The following UBAP2 variants were observed in gnomAD, a reference collection of about 807,000 sequenced individuals.
The protein encoded by UBAP2 is ubiquitin associated protein 2.
A neutral mutation model predicts 139.6 loss-of-function variants in UBAP2; 75 were observed. That is an observed-to-expected ratio of 0.54 (90% CI 0.45 to 0.65). UBAP2 has a LOEUF of 0.65. Among genes scored for constraint, UBAP2 ranks in the 30% least tolerant of loss-of-function variants. The probability of loss-of-function intolerance (pLI) is 0.00; values close to 1 mark genes in which losing one functional copy is unlikely to be tolerated. For synonymous variants in UBAP2, 526 were observed against 526.2 expected, an observed-to-expected ratio of 1.00 and a Z score of 0.01; for missense variants, 1,368 against 1,369.6, an observed-to-expected ratio of 1.00 and a Z score of 0.02.
chr9:34,018,733 G>A (rs1166555582), intron 1 of UBAP2, among the ~76,000 whole-genome samples: 3 of 151,776 alleles, frequency 2.0e-5, no homozygotes, highest in Non-Finnish European at 4.4e-5. Context: ...CGTAGTGGCG[G>A]GCGACTGTAG....
rs191629465 is a variant in UBAP2 at position 33,923,129 on chromosome 9, A to C, written c.3004+57T>G. The C allele has an allele frequency of 8.7e-5, 140 of 1,607,760 alleles. No homozygotes were observed. The African/African-American group carries it at 1.5e-3, about 18-fold the overall frequency. On this transcript the variant is annotated intron_variant, in intron 26 of 28. Coordinates refer to ENST00000379238, the MANE Select transcript of UBAP2 (RefSeq NM_001370062.2). ...CAGGGGTTGCCCTGCCTGAGAGGGG[A>C]TCAGGCAGGAGCCCACCACTCCAGG...
intron 6 of UBAP2, among the ~76,000 whole-genome samples, chr9:33,981,780 TAGGA>T (rs972167715): frequency 1.7e-4 from 19 of 114,782 alleles, no homozygotes; most frequent in South Asian, 2.8e-4. Flanking sequence ...GGTAGGAAGG[TAGGA>T]AGGAAGGAAG....
chr9:34,006,548 C>A (rs1051207105), intron 2 of UBAP2, among the ~76,000 whole-genome samples: 24 of 152,080 alleles, frequency 1.6e-4, no homozygotes, highest in Non-Finnish European at 2.9e-4. Context: ...TGGTGGCATG[C>A]ACCTGTGCTC....
chr9:34,017,870 TCAGCCGAGATCGCGTCACTGTACTC>T (rs1268236376), intron 1 of UBAP2, among the ~76,000 whole-genome samples: 1 of 151,278 alleles, frequency 6.6e-6, no homozygotes, highest in Non-Finnish European at 1.5e-5. Flanking sequence ...GAGGTTGCAG[TCAGCCGAGATCGCGTCACTGTACTC>T]CAGCCTTGGC....
intron 1 of UBAP2, among the ~76,000 whole-genome samples, chr9:34,043,838 A>G (rs1018163716): frequency 0.017 from 8 of 468 alleles, no homozygotes; most frequent in African/African-American, 0.034. Context: ...TTTCAGGGGG[A>G]AAAAAAAGGC....
chr9:33,979,246 G>T (rs1564042583), intron 6 of UBAP2, among the ~76,000 whole-genome samples: 1 of 152,076 alleles, frequency 6.6e-6, no homozygotes, highest in Non-Finnish European at 1.5e-5. Context: ...TCTAAAAAAA[G>T]AAACTATAGT....
intron 13 of UBAP2, 110 bp downstream of exon 13, chr9:33,948,264 A>G: frequency 1.0e-6 from 1 of 976,018 alleles, no homozygotes; most frequent in Non-Finnish European, 1.4e-6. Context: ...AGTTCTACTA[A>G]AAAGAAACAT....
At chr9:34,046,260 G>T (rs1298137264) in intron 1 of UBAP2, among the ~76,000 whole-genome samples, 1 of 139,218 alleles carries the variant, frequency 7.2e-6, no homozygotes, top group Admixed American at 7.6e-5. Context: ...CCCACAAAGT[G>T]TCTTATTAAC....
intron 2 of UBAP2, among the ~76,000 whole-genome samples, chr9:34,000,505 C>A (rs1168669860): frequency 2.0e-5 from 3 of 152,144 alleles, no homozygotes; most frequent in Non-Finnish European, 1.5e-5. Flanking sequence ...TATACAGGAA[C>A]AATCTGTATC....
chr9:34,045,436 G>A (rs1225765627), intron 1 of UBAP2, among the ~76,000 whole-genome samples: 1 of 151,374 alleles, frequency 6.6e-6, no homozygotes, highest in Non-Finnish European at 1.5e-5. Context: ...GAAGTCCAAT[G>A]GCACATGGCT....
At chr9:34,029,693 AGAAG>A (rs535232456) in intron 1 of UBAP2, among the ~76,000 whole-genome samples, 1 of 151,976 alleles carries the variant, frequency 6.6e-6, no homozygotes, top group Middle Eastern at 3.4e-3. Context: ...AAAAAGAAGA[AGAAG>A]GAAGAAATGC....
In UBAP2 at chr9:33,922,239, TGGA is replaced by T; in HGVS notation, c.*262_*264del. 2.2e-6 allele frequency: 1 copy of T among 453,622 alleles called. No homozygotes were observed. The highest frequency in any genetic ancestry group is 4.0e-6 in the Non-Finnish European group (1 of 247,270). 28.1% of individuals were successfully genotyped at this position (453,622 alleles called of 1,614,324 possible). On this transcript the variant is annotated 3_prime_UTR_variant, in exon 29 of 29. Coordinates refer to ENST00000379238, the MANE Select transcript of UBAP2 (RefSeq NM_001370062.2). The stretch of plus-strand genomic sequence containing the variant: ...GGTGGGGGTGCTTATTTTGCTACAG[TGGA>T]GAAGGGGCTTGAATGGGGAGGGCAG...
chr9:33,957,004 C>T (rs1826620858), intron 10 of UBAP2, among the ~76,000 whole-genome samples: 2 of 151,318 alleles, frequency 1.3e-5, no homozygotes, highest in African/African-American at 2.4e-5. Flanking sequence ...GCAGGAGAAT[C>T]GCTTCAGTCC....
intron 1 of UBAP2, among the ~76,000 whole-genome samples, chr9:34,044,030 G>C (rs1231153934): frequency 6.9e-6 from 1 of 144,520 alleles, no homozygotes; most frequent in Non-Finnish European, 1.5e-5. Context: ...GGCGGAGATT[G>C]CAGTGAACAG....
At chr9:34,036,112 T>C (rs1826341890) in intron 1 of UBAP2, among the ~76,000 whole-genome samples, 1 of 151,782 alleles carries the variant, frequency 6.6e-6, no homozygotes, top group African/African-American at 2.4e-5. Context: ...AATTTGATAC[T>C]TTTTTCTTTT....
At chr9:34,006,963 G>A (rs1400197202) in intron 2 of UBAP2, among the ~76,000 whole-genome samples, 3 of 152,182 alleles carry the variant, frequency 2.0e-5, no homozygotes, top group Non-Finnish European at 2.9e-5. Context: ...GAACAATGTA[G>A]ACAGAGTACA....
At chr9:34,016,161 AGAGGAG>A (rs571025660) in intron 2 of UBAP2, among the ~76,000 whole-genome samples, 22 of 149,240 alleles carry the variant, frequency 1.5e-4, no homozygotes, top group Non-Finnish European at 1.9e-4. Flanking sequence ...GTGAAAGGGG[AGAGGAG>A]GAGGAGGAGG....
intron 9 of UBAP2, among the ~76,000 whole-genome samples, chr9:33,963,439 T>G (rs1247993099): frequency 1.3e-5 from 2 of 152,272 alleles, no homozygotes. Flanking sequence ...ATATTGGAGA[T>G]GAATGTTTTA....
chr9:34,039,613 C>A (rs1023546638), intron 1 of UBAP2, among the ~76,000 whole-genome samples: 5 of 151,924 alleles, frequency 3.3e-5, no homozygotes, highest in African/African-American at 1.2e-4. Context: ...GGATAAAGGG[C>A]GGTGCAAGAT....
Sources: gnomAD v4.1 joint callset for allele counts (sites outside exome capture counted in the v4.1 genomes callset) on GRCh38, gnomAD v4.1.1 for gene constraint, MANE v1.5 for transcripts, NCBI Gene and HGNC (gene_info 2026-07-23, HGNC 2026-07-21) for gene names.